The following NRG2 variants were observed in gnomAD, a reference collection of about 807,000 sequenced individuals.
The protein encoded by NRG2 is pro-neuregulin-2, membrane-bound isoform.
Under a neutral mutation model 73.9 loss-of-function variants are expected in NRG2, and 27 were observed. The observed-to-expected ratio is 0.37, with a 90% CI of 0.27 to 0.50. NRG2 has a LOEUF of 0.50. NRG2 is among the 20% of genes least tolerant of loss of function. The pLI, the probability that NRG2 is intolerant of heterozygous loss-of-function variation, is 0.96. For synonymous variants in NRG2, 532 were observed against 541.0 expected (o/e 0.98, Z 0.23); for missense variants, 1,126 against 1,210.1 (o/e 0.93, Z 1.03).
intron 1 of NRG2, among the ~76,000 whole-genome samples, chr5:139,925,790 T>C (rs545179179): frequency 6.6e-6 from 1 of 152,174 alleles, no homozygotes; most frequent in African/African-American, 2.4e-5. Flanking sequence ...CCTGCAGGGA[T>C]GGGGAGCTTG....
Position 139,847,103 on chromosome 5 carries a change from G to T in NRG2, c.*814C>A, listed in dbSNP as rs1761045473. 1 of 152,254 alleles carries T rather than the reference G, an allele frequency of 6.6e-6. No homozygotes were observed. Among genetic ancestry groups the T allele is most frequent in the South Asian group, 2.1e-4 (1 of 4,828 alleles). 9.4% of individuals were successfully genotyped at this position (152,254 alleles called of 1,614,324 possible). On this transcript the variant is annotated 3_prime_UTR_variant, in exon 10 of 10. Transcript: ENST00000361474. The stretch of plus-strand genomic sequence containing the variant: ...AGCGTGACCATGCATCCAATCTAAA[G>T]AATCTGAAATGCAAAGGACATGCAG...
intron 1 of NRG2, among the ~76,000 whole-genome samples, chr5:139,955,199 A>C (rs1175659229): frequency 2.0e-5 from 3 of 152,164 alleles, no homozygotes; most frequent in Non-Finnish European, 4.4e-5. Context: ...GGGTACGTAC[A>C]CTTCAACGCC....
intron 1 of NRG2, among the ~76,000 whole-genome samples, chr5:139,939,749 T>C (rs999781126): frequency 2.6e-5 from 4 of 152,186 alleles, no homozygotes; most frequent in African/African-American, 9.7e-5. Flanking sequence ...CTAGAATATA[T>C]GTTTTAAAAA....
At chr5:139,899,483 G>A (rs1764744502) in intron 1 of NRG2, among the ~76,000 whole-genome samples, 1 of 152,200 alleles carries the variant, frequency 6.6e-6, no homozygotes, top group South Asian at 2.1e-4. Flanking sequence ...GATCTAGCCG[G>A]ACTCTAGACC....
At chr5:139,882,271 G>A (rs757466393) in intron 2 of NRG2, among the ~76,000 whole-genome samples, 8 of 152,196 alleles carry the variant, frequency 5.3e-5, no homozygotes, top group East Asian at 1.9e-4. Flanking sequence ...TCAAGGAGAC[G>A]CAAACTGGCC....
At chr5:139,997,337 T>TCATC (rs1036772530) in intron 1 of NRG2, among the ~76,000 whole-genome samples, 22 of 152,026 alleles carry the variant, frequency 1.4e-4, no homozygotes, top group Admixed American at 1.0e-3. Context: ...TGACCCAGAC[T>TCATC]CATCTCTTTG....
chr5:139,848,542 T>C lies in NRG2; in HGVS notation c.1928A>G (p.Glu643Gly). 6.7e-7 allele frequency: 1 copy of C among 1,488,400 alleles called. No homozygotes were observed. The highest frequency in any genetic ancestry group is 8.8e-7 in the Non-Finnish European group (1 of 1,130,732). The allele number at this position is 1,488,400 out of a possible 1,614,324, so 92.2% of individuals were successfully genotyped here. The change falls in exon 10 of 10, where the codon GAG (glutamate) becomes GGG (glycine). Residue 643 changes from glutamate to glycine, a missense_variant. Glu to Gly is a moderately conservative substitution (Grantham distance 98). Transcript: ENST00000361474. ...PAAPISYRLA[E>G]QQPLLRHPAP... ...CGGGTGCCGCAGTAACGGCTGCTGC[T>C]CGGCCAGGCGGTAACTGATGGGCGC... is the stretch of plus-strand genomic sequence containing the variant.
intron 2 of NRG2, among the ~76,000 whole-genome samples, chr5:139,883,742 C>A (rs998303062): frequency 1.3e-5 from 2 of 152,264 alleles, no homozygotes; most frequent in African/African-American, 4.8e-5. Flanking sequence ...GCGCCTTGGT[C>A]GCAGGGAGTC....
chr5:139,866,948 C>G (rs142497122), intron 4 of NRG2, among the ~76,000 whole-genome samples: 1 of 152,358 alleles, frequency 6.6e-6, no homozygotes, highest in African/African-American at 2.4e-5. Context: ...TTCCCCACAT[C>G]TCCCTACTCA....
chr5:139,894,254 C>T lies in NRG2; in HGVS notation c.701-6743G>A, dbSNP rs1307453326. Among the ~76,000 whole-genome samples, 1 of 152,116 alleles carries T rather than the reference C, an allele frequency of 6.6e-6. No individual in the cohort carries two copies. Among genetic ancestry groups the T allele is most frequent in the Non-Finnish European group, 1.5e-5 (1 of 68,006 alleles). ...GCAGGCTCTTAAAAGGGTTAATGAT[C>T]CTCACCTCATGACTAAGGCTGAGCA... On this transcript the variant is annotated intron_variant, in intron 1 of 9. Coordinates refer to ENST00000361474, the MANE Select transcript of NRG2 (RefSeq NM_004883.3). This position sits in a 1 kb window ranked among gnomAD's most constrained non-coding sequence, Gnocchi z 5.0.
At chr5:139,889,077 T>C (rs975317543) in intron 1 of NRG2, among the ~76,000 whole-genome samples, 2 of 152,158 alleles carry the variant, frequency 1.3e-5, no homozygotes, top group Admixed American at 1.3e-4. Flanking sequence ...TCTGGAGAGA[T>C]GAAAACAGAT....
At chr5:139,890,761 TG>T (rs1035005889) in intron 1 of NRG2, among the ~76,000 whole-genome samples, 5 of 152,170 alleles carry the variant, frequency 3.3e-5, no homozygotes, top group African/African-American at 1.2e-4. Flanking sequence ...GTTCGGGTTG[TG>T]GGTTCTAAAG....
At chr5:139,921,788 G>C (rs575563693) in intron 1 of NRG2, among the ~76,000 whole-genome samples, 4 of 152,246 alleles carry the variant, frequency 2.6e-5, no homozygotes, top group South Asian at 2.1e-4. Context: ...TTGGCCAGGC[G>C]TGGTGGCTCA....
intron 1 of NRG2, among the ~76,000 whole-genome samples, chr5:139,908,376 C>T (rs916201708): frequency 2.0e-5 from 3 of 152,148 alleles, no homozygotes; most frequent in South Asian, 4.1e-4. Flanking sequence ...CCTTAGAGCC[C>T]TTTATGCGCC....
chr5:140,005,205 C>G (rs1262961812), intron 1 of NRG2, among the ~76,000 whole-genome samples: 1 of 152,150 alleles, frequency 6.6e-6, no homozygotes, highest in East Asian at 1.9e-4. Context: ...AAGTATCTGT[C>G]TTCCCATATA....
intron 1 of NRG2, among the ~76,000 whole-genome samples, chr5:139,981,989 G>A (rs1756834442): frequency 6.6e-6 from 1 of 152,204 alleles, no homozygotes; most frequent in East Asian, 1.9e-4. Context: ...CTCCAAGGCT[G>A]TGCCAGCATA....
intron 3 of NRG2, among the ~76,000 whole-genome samples, chr5:139,873,177 G>A (rs1040692007): frequency 6.6e-6 from 1 of 152,124 alleles, no homozygotes; most frequent in Non-Finnish European, 1.5e-5. Flanking sequence ...AAAATCCAGC[G>A]GGCAGGGCCG....
chr5:139,957,314 T>C (rs1021499921), intron 1 of NRG2, among the ~76,000 whole-genome samples: 4 of 29,812 alleles, frequency 1.3e-4, no homozygotes, highest in South Asian at 5.4e-4. Context: ...TCTCTGTGTG[T>C]GTGTGTGTGT....
In NRG2 at chr5:139,848,480, GCCCGGGCCCGGGTCCGGGT is replaced by G. The variant is rs1761174442; in HGVS notation, c.1971_1989del (p.Gly661AlafsTer99). 7.5e-7 allele frequency: 1 copy of G among 1,339,502 alleles called. No individual in the cohort carries two copies. Among genetic ancestry groups the G allele is most frequent in the South Asian group, 2.0e-5 (1 of 51,188 alleles). The allele number at this position is 1,339,502 out of a possible 1,614,324, so 83.0% of individuals were successfully genotyped here. A position where few individuals can be genotyped will look rare whatever the true frequency, so the allele number is the denominator to read the frequency against. On this transcript the variant is annotated frameshift_variant, in exon 10 of 10. Coordinates refer to ENST00000361474, the MANE Select transcript of NRG2 (RefSeq NM_004883.3). LOFTEE classifies it high-confidence loss of function. ...CGCTGCATGTCTGCGCCGGGCCCGG[GCCCGGGCCCGGGTCCGGGT>G]CCCGGGCCGGGGGGCGCCGGGTGCC...
Sources: allele counts gnomAD v4.1 joint callset (sites outside exome capture counted in the v4.1 genomes callset), GRCh38; gene constraint gnomAD v4.1.1; non-coding constraint Gnocchi (gnomAD v3.1); transcripts MANE v1.5; gene names NCBI Gene and HGNC (gene_info 2026-07-23, HGNC 2026-07-21).